SAP30L: variants seen among roughly 807,000 people sequenced by gnomAD.
The protein encoded by SAP30L is SAP30 like, also known as histone deacetylase complex subunit SAP30L.
Under a neutral mutation model 22.3 loss-of-function variants are expected in SAP30L, and 10 were observed. The observed-to-expected ratio is 0.45, with a 90% confidence interval of 0.28 to 0.76. The LOEUF (loss-of-function observed/expected upper bound fraction) is 0.76, where lower values mean the gene tolerates loss of function less well. Among genes scored for constraint, SAP30L ranks in the 30% least tolerant of loss-of-function variants. The pLI is 0.14. For synonymous variants in SAP30L, 91 were observed against 94.1 expected (o/e 0.97, Z 0.19); for missense variants, 206 against 237.9 (o/e 0.87, Z 0.88).
chr5:154,451,026 G>T, intron 1 of SAP30L, 65 bp from the exon 2 acceptor site: 1 of 1,581,066 alleles, frequency 6.3e-7, no homozygotes, highest in South Asian at 1.1e-5. Context: ...CCCGCAATTC[G>T]ACAGATACCT....
intron 3 of SAP30L, 135 bp from the exon 4 acceptor site, chr5:154,455,765 T>C (rs1757250365): frequency 1.8e-6 from 2 of 1,137,260 alleles, no homozygotes; most frequent in South Asian, 1.6e-5. Flanking sequence ...GTTCCGCACA[T>C]GGCAGGAAGT....
In SAP30L at chr5:154,446,384, C is replaced by T. The variant is rs1488060760; in HGVS notation, c.-221C>T. ...GGGCCCTGCGAGCCGCGGGAGCCGACCCCGGGGCCTCGAGCCGGGAGGAAG... is the reference window on the plus strand; with the variant it reads ...GGGCCCTGCGAGCCGCGGGAGCCGATCCCGGGGCCTCGAGCCGGGAGGAAG... On this transcript the variant is annotated 5_prime_UTR_variant, in exon 1 of 4. Transcript: ENST00000297109. The T allele has an allele frequency of 1.2e-5, 5 of 401,888 alleles. No homozygotes were observed. The highest frequency in any genetic ancestry group is 7.6e-5 in the East Asian group (2 of 26,174). 24.9% of individuals were successfully genotyped at this position (401,888 alleles called of 1,614,324 possible).
chr5:154,452,225 C>T (rs1002960949), intron 2 of SAP30L, among the ~76,000 whole-genome samples: 22 of 152,084 alleles, frequency 1.4e-4, no homozygotes, highest in African/African-American at 4.1e-4. Context: ...TGGAGGAAAC[C>T]GTTGAAAATC....
In SAP30L at chr5:154,460,145, A is replaced by C. The variant is rs1156680934; in HGVS notation, c.*4117A>C. 6.6e-6 allele frequency: 1 copy of C among 152,208 alleles called. No homozygotes were observed. The highest frequency in any genetic ancestry group is 1.5e-5 in the Non-Finnish European group (1 of 68,032). 9.4% of individuals were successfully genotyped at this position (152,208 alleles called of 1,614,324 possible). A position where few individuals can be genotyped will look rare whatever the true frequency, so the allele number is the denominator to read the frequency against. On this transcript the variant is annotated 3_prime_UTR_variant, in exon 4 of 4. Transcript: ENST00000297109. ...AACTTAAAATTGAGCAGAAATTCCC[A>C]AGGCCAACCTAGCTCTCAGGGACCA...
rs547105337 is a variant in SAP30L at position 154,459,397 on chromosome 5, G to A, written c.*3369G>A. The A allele has an allele frequency of 6.6e-6, 1 of 152,370 alleles. No homozygotes were observed. The highest frequency in any genetic ancestry group is 2.1e-4 in the South Asian group (1 of 4,830). 9.4% of individuals were successfully genotyped at this position (152,370 alleles called of 1,614,324 possible). A position where few individuals can be genotyped will look rare whatever the true frequency, so the allele number is the denominator to read the frequency against. On this transcript the variant is annotated 3_prime_UTR_variant, in exon 4 of 4. Transcript: ENST00000297109. ...CTTTGTAAACCTCTGGCTTTTCTAT[G>A]TTCTCTGTAATTTCCATCTTAGTCT...
intron 1 of SAP30L, among the ~76,000 whole-genome samples, chr5:154,447,954 T>G (rs1326990664): frequency 7.2e-6 from 1 of 139,418 alleles, no homozygotes; most frequent in African/African-American, 2.7e-5. Flanking sequence ...TTTCTTTTCT[T>G]TTTTTTTTCT....
rs748263535 is a variant in SAP30L, at chr5:154,446,797, G to C, written c.193G>C (p.Asp65His). 1.2e-6 allele frequency: 2 copies of C among 1,603,134 alleles called. No homozygotes were observed. Among genetic ancestry groups the C allele is most frequent in the Non-Finnish European group, 1.7e-6 (2 of 1,176,346 alleles). The change falls in exon 1 of 4, where the codon GAC becomes CAC. Residue 65 changes from aspartate to histidine, a missense_variant. Asp to His is a moderately conservative substitution (Grantham distance 81, BLOSUM62 -1). Around this residue, in one of 2 missense-constraint regions of SAP30L, gnomAD observed 136 missense variants for 187.4 expected, o/e 0.73. Coordinates refer to ENST00000297109, the MANE Select transcript of SAP30L (RefSeq NM_024632.6). The stretch of plus-strand genomic sequence containing the variant: ...GCAGAAGAAACTCAAGCTGGACATC[G>C]ACAAGAGCGTGAGTCCGCCCCCGCT... ...ISQKKLKLDI[D>H]KSVRHLYICD...
rs1195752082 is a variant in SAP30L at position 154,456,224 on chromosome 5, A to G, written c.*196A>G. 2.3e-6 allele frequency: 1 copy of G among 431,150 alleles called. No homozygotes were observed. The highest frequency in any genetic ancestry group is 4.0e-6 in the Non-Finnish European group (1 of 251,054). 26.7% of individuals were successfully genotyped at this position (431,150 alleles called of 1,614,324 possible). On this transcript the variant is annotated 3_prime_UTR_variant, in exon 4 of 4. Transcript: ENST00000297109. ...GTATAGAAAGACTTTCTTTTACGAT[A>G]ACTCTGGACTAAAAAAATCAGGATC...
intron 1 of SAP30L, among the ~76,000 whole-genome samples, chr5:154,448,050 A>T (rs1264136599): frequency 7.6e-6 from 1 of 131,276 alleles, no homozygotes; most frequent in Admixed American, 9.5e-5. Flanking sequence ...ATCTCGACTC[A>T]CTGCAACCTC....
At chr5:154,448,408 A>C (rs1259487244) in intron 1 of SAP30L, among the ~76,000 whole-genome samples, 1 of 152,170 alleles carries the variant, frequency 6.6e-6, no homozygotes, top group African/African-American at 2.4e-5. Context: ...CTTACTACAA[A>C]TCTCTATCAA....
Position 154,446,525 on chromosome 5 carries a change from C to T in SAP30L, c.-80C>T, listed in dbSNP as rs1197911663. The T allele has an allele frequency of 7.4e-6, 9 of 1,214,968 alleles. No homozygotes were observed. Among genetic ancestry groups the T allele is most frequent in the Non-Finnish European group, 9.7e-6 (9 of 926,596 alleles). The allele number at this position is 1,214,968 out of a possible 1,614,324, so 75.3% of individuals were successfully genotyped here. ...GGACCCTCGGCTGCGGGGGTCTCAGCGACCTGCCCCGCGGCAAGCGCGGCC... is the reference window on the plus strand; with the variant it reads ...GGACCCTCGGCTGCGGGGGTCTCAGTGACCTGCCCCGCGGCAAGCGCGGCC... On this transcript the variant is annotated 5_prime_UTR_variant, in exon 1 of 4. Transcript: ENST00000297109.
Position 154,446,700 on chromosome 5 carries a change from C to T in SAP30L, c.96C>T (p.Ile32=). 6.9e-6 allele frequency: 11 copies of T among 1,595,210 alleles called. No homozygotes were observed. The highest frequency in any genetic ancestry group is 9.4e-6 in the Non-Finnish European group (11 of 1,173,774). The change falls in exon 1 of 4, where the codon ATC becomes ATT. Residue 32 remains isoleucine (I), a synonymous_variant. Coordinates refer to ENST00000297109, the MANE Select transcript of SAP30L (RefSeq NM_024632.6). ...APGYGQSCCL[I]EDGERCVRPA... is the part of the protein sequence containing the mutation. ...GCTACGGCCAGAGCTGCTGCCTCATCGAGGACGGCGAGCGCTGCGTCCGGC... is the reference window on the plus strand; with the variant it reads ...GCTACGGCCAGAGCTGCTGCCTCATTGAGGACGGCGAGCGCTGCGTCCGGC...
At chr5:154,447,189 T>C (rs1757036941) in intron 1 of SAP30L, among the ~76,000 whole-genome samples, 1 of 152,248 alleles carries the variant, frequency 6.6e-6, no homozygotes, top group African/African-American at 2.4e-5. Context: ...TCTCTCTCCT[T>C]CTAGGAACCC....
Position 154,458,866 on chromosome 5 carries a change from A to G in SAP30L, c.*2838A>G, listed in dbSNP as rs1757317520. On this transcript the variant is annotated 3_prime_UTR_variant, in exon 4 of 4. Coordinates refer to ENST00000297109, the MANE Select transcript of SAP30L (RefSeq NM_024632.6). ...CAGCTGAATCTCATGAAAGATTAAA[A>G]ACCAAAGGATTCAAGACCGGTGTTG... 1 of 152,228 alleles carries G rather than the reference A, an allele frequency of 6.6e-6. No individual in the cohort carries two copies. Among genetic ancestry groups the G allele is most frequent in the African/African-American group, 2.4e-5 (1 of 41,458 alleles). 9.4% of individuals were successfully genotyped at this position (152,228 alleles called of 1,614,324 possible).
chr5:154,454,911 A>C (rs1042621904), intron 3 of SAP30L, among the ~76,000 whole-genome samples: 5 of 151,466 alleles, frequency 3.3e-5, no homozygotes, highest in Non-Finnish European at 7.4e-5. Context: ...TTGGCTGTTC[A>C]TTTAACACAA....
intron 1 of SAP30L, 86 bp from the exon 2 acceptor site, chr5:154,451,005 T>C (rs1757126430): frequency 7.0e-7 from 1 of 1,428,522 alleles, no homozygotes; most frequent in South Asian, 1.2e-5. Flanking sequence ...TGCCCTGCAA[T>C]GGAAGGAAGC....
At chr5:154,451,835 C>T (rs1331466742) in intron 2 of SAP30L, among the ~76,000 whole-genome samples, 1 of 152,164 alleles carries the variant, frequency 6.6e-6, no homozygotes, top group Non-Finnish European at 1.5e-5. Flanking sequence ...CAGCAGCATC[C>T]CCTCGTGAGA....
At chr5:154,447,974 T>C (rs1757059677) in intron 1 of SAP30L, among the ~76,000 whole-genome samples, 4 of 109,432 alleles carry the variant, frequency 3.7e-5, no homozygotes, top group South Asian at 3.4e-4. Context: ...TTTTTCTTTT[T>C]TTTTTTTTTT....
intron 3 of SAP30L, 50 bp from the exon 4 acceptor site, chr5:154,455,850 G>T (rs1216993225): frequency 1.3e-6 from 2 of 1,560,632 alleles, no homozygotes; most frequent in Non-Finnish European, 1.7e-6. Context: ...AGAATTTGCG[G>T]TGTGATTTGT....
Sources: gnomAD v4.1 joint callset for allele counts (sites outside exome capture counted in the v4.1 genomes callset) on GRCh38, gnomAD v4.1.1 for gene constraint, gnomAD v4.1.1 regional missense constraint, MANE v1.5 for transcripts, NCBI Gene and HGNC (gene_info 2026-07-23, HGNC 2026-07-21) for gene names.